SNX13: variants seen among roughly 807,000 people sequenced by gnomAD.
SNX13 encodes sorting nexin-13.
In SNX13, 45 loss-of-function variants were observed where a neutral mutation model predicts 133.6. The observed-to-expected ratio is 0.34, with a 90% confidence interval of 0.27 to 0.43. SNX13 has a LOEUF of 0.43. Among genes scored for constraint, SNX13 ranks in the 20% least tolerant of loss-of-function variants. SNX13 has a pLI of 1.00. For missense variants in SNX13, 1,032 were observed against 1,145.1 expected, an observed-to-expected ratio of 0.90 and a Z score of 1.43; for synonymous variants, 414 against 373.9, an observed-to-expected ratio of 1.11 and a Z score of -1.24.
At chr7:17,934,387 A>T (rs1457442852) in intron 1 of SNX13, among the ~76,000 whole-genome samples, 1 of 152,236 alleles carries the variant, frequency 6.6e-6, no homozygotes, top group Non-Finnish European at 1.5e-5. Context: ...TTTAGATGTC[A>T]ACTTGACTAT....
At chr7:17,886,717 A>G (rs1796035462) in intron 5 of SNX13, among the ~76,000 whole-genome samples, 1 of 152,182 alleles carries the variant, frequency 6.6e-6, no homozygotes, top group Non-Finnish European at 1.5e-5. Context: ...AGTTTCTACT[A>G]CACTATCCTT....
intron 10 of SNX13, 105 bp downstream of exon 10, chr7:17,850,721 T>C (rs1791101917): frequency 1.1e-6 from 1 of 932,924 alleles, no homozygotes; most frequent in Middle Eastern, 3.5e-4. Flanking sequence ...TTAATTAAGG[T>C]GAAAACATTA....
At position 17,902,240 on chromosome 7, in the gene SNX13, T is replaced by C. The variant is rs953843861; in HGVS notation, c.13-4794A>G. ...AGTGAAAAAACAGTCATTACTGTCA[T>C]GGTTTTTTTTTTTTTTTTTTTTTTT... On this transcript the variant is annotated intron_variant, in intron 1 of 25. Coordinates refer to ENST00000428135, the MANE Select transcript of SNX13 (RefSeq NM_015132.5). Among the ~76,000 whole-genome samples the C allele has an allele frequency of 6.9e-5, 7 of 102,030 alleles. No homozygotes were observed. The East Asian group carries it at 1.6e-3, about 23-fold the overall frequency. 66.9% of individuals were successfully genotyped at this position (102,030 alleles called of 152,430 possible).
In SNX13 at chr7:17,850,432, A is replaced by G; in HGVS notation, c.980T>C (p.Ile327Thr). 6 of 1,552,714 alleles carry G rather than the reference A, an allele frequency of 3.9e-6. No homozygotes were observed. Among genetic ancestry groups the G allele is most frequent in the Non-Finnish European group, 5.2e-6 (6 of 1,144,268 alleles). Reference protein sequence around the residue: ...LRSLDTAGDDINTIKNQINSL... With the variant: ...LRSLDTAGDDTNTIKNQINSL... ...ATTTATTTGATTTTTGATAGTGTTG[A>G]TATCTAAAAGCAAAGAAATCATGAA... Residue 327 changes from isoleucine (I) to threonine (T), a missense_variant, in exon 11 of 26, where the codon ATC (isoleucine) becomes ACC (threonine). Coordinates refer to ENST00000428135, the MANE Select transcript of SNX13 (RefSeq NM_015132.5).
intron 9 of SNX13, among the ~76,000 whole-genome samples, chr7:17,863,722 G>A (rs1234497424): frequency 6.6e-6 from 1 of 152,192 alleles, no homozygotes; most frequent in African/African-American, 2.4e-5. Flanking sequence ...GTACTGTGCT[G>A]CTCTGCAAGG....
intron 5 of SNX13, chr7:17,880,978 A>G (rs1328838480): frequency 1.3e-5 from 2 of 152,210 alleles, no homozygotes. Context: ...TGACTAGAGG[A>G]GAGGGTGATC....
intron 18 of SNX13, among the ~76,000 whole-genome samples, chr7:17,817,003 G>T (rs979187921): frequency 3.3e-5 from 5 of 152,152 alleles, no homozygotes; most frequent in Admixed American, 2.6e-4. Flanking sequence ...ACAGATAGTA[G>T]TTATATAACC....
At position 17,791,254 on chromosome 7, in the gene SNX13, A is replaced by G. The variant is rs1437676091; in HGVS notation, c.*2791T>C. On this transcript the variant is annotated 3_prime_UTR_variant, in exon 26 of 26. Coordinates refer to ENST00000428135, the MANE Select transcript of SNX13 (RefSeq NM_015132.5). ...ATTAAAATTTTAGATTGTGAAATTT[A>G]TATCATTCTTAATTTTTATAAAAAT... 3 of 151,990 alleles carry G rather than the reference A, an allele frequency of 2.0e-5. No individual in the cohort carries two copies. Among genetic ancestry groups the G allele is most frequent in the South Asian group, 4.1e-4 (2 of 4,836 alleles). 9.4% of individuals were successfully genotyped at this position (151,990 alleles called of 1,614,324 possible).
intron 11 of SNX13, among the ~76,000 whole-genome samples, chr7:17,848,699 G>C (rs554572849): frequency 2.0e-5 from 3 of 152,226 alleles, no homozygotes; most frequent in Non-Finnish European, 4.4e-5. Context: ...AGTGAGTGGA[G>C]TTTGATCCCG....
chr7:17,910,556 T>G (rs949027786), intron 1 of SNX13, among the ~76,000 whole-genome samples: 5 of 152,094 alleles, frequency 3.3e-5, no homozygotes, highest in Admixed American at 6.5e-5. Flanking sequence ...GCAATTCCAC[T>G]CCTATGTACA....
At chr7:17,869,960 T>C (rs1484276613) in intron 8 of SNX13, among the ~76,000 whole-genome samples, 1 of 152,074 alleles carries the variant, frequency 6.6e-6, no homozygotes, top group African/African-American at 2.4e-5. Context: ...AATTTTTGAT[T>C]AAATTTTGTG....
intron 20 of SNX13, among the ~76,000 whole-genome samples, chr7:17,811,400 G>C (rs776831442): frequency 5.4e-4 from 82 of 152,264 alleles, no homozygotes; most frequent in Middle Eastern, 3.4e-3. Flanking sequence ...ATTCACAATT[G>C]CTACAAAGAG....
intron 7 of SNX13, among the ~76,000 whole-genome samples, chr7:17,874,030 T>C (rs770636314): frequency 6.6e-6 from 1 of 152,096 alleles, no homozygotes; most frequent in Non-Finnish European, 1.5e-5. Flanking sequence ...CAGCAGGCTA[T>C]AACAAAGGAA....
At chr7:17,830,770 C>T in intron 15 of SNX13, 2 of 981,162 alleles carry the variant, frequency 2.0e-6, no homozygotes, top group Non-Finnish European at 2.4e-6. Context: ...CTTTATTAAA[C>T]ACACAAACAA....
At chr7:17,805,622 T>G (rs914132122) in intron 20 of SNX13, among the ~76,000 whole-genome samples, 1 of 152,168 alleles carries the variant, frequency 6.6e-6, no homozygotes, top group Admixed American at 6.5e-5. Context: ...TTTTAGAAAT[T>G]TATACATCTT....
chr7:17,890,218 TA>T, intron 5 of SNX13, 144 bp downstream of exon 5: 2 of 663,672 alleles, frequency 3.0e-6, no homozygotes, highest in Non-Finnish European at 4.5e-6. Flanking sequence ...GCTCTAGTTG[TA>T]AAATCTTGGA....
intron 1 of SNX13, chr7:17,899,347 C>A (rs980415936): frequency 6.6e-6 from 1 of 152,036 alleles, no homozygotes; most frequent in South Asian, 2.1e-4. Flanking sequence ...ATATTGATAT[C>A]TTTTACTAGG....
At chr7:17,925,178 C>G (rs1178047490) in intron 1 of SNX13, among the ~76,000 whole-genome samples, 2 of 152,122 alleles carry the variant, frequency 1.3e-5, no homozygotes, top group Admixed American at 6.6e-5. Flanking sequence ...CATGCCACTG[C>G]ACTACAGCCT....
chr7:17,837,744 G>T (rs765121021), intron 13 of SNX13, among the ~76,000 whole-genome samples: 14 of 151,864 alleles, frequency 9.2e-5, no homozygotes, highest in Non-Finnish European at 1.6e-4. Flanking sequence ...AGATAAACTT[G>T]TCAAACTGAA....
Sources: gnomAD v4.1 joint callset for allele counts (sites outside exome capture counted in the v4.1 genomes callset) on GRCh38, gnomAD v4.1.1 for gene constraint, MANE v1.5 for transcripts, NCBI Gene and HGNC (gene_info 2026-07-23, HGNC 2026-07-21) for gene names.